The following DHRS12 variants were observed in gnomAD, a reference collection of about 807,000 sequenced individuals.
The protein encoded by DHRS12 is dehydrogenase/reductase SDR family member 12.
In DHRS12, 29 loss-of-function variants were observed where a neutral mutation model predicts 32.1. The ratio of observed to expected loss-of-function variants is 0.90; its 90% CI spans 0.67 to 1.23. The LOEUF (loss-of-function observed/expected upper bound fraction) is 1.23. DHRS12 is among the 50% of genes most tolerant of loss of function. The probability of loss-of-function intolerance (pLI) is 0.00; values close to 1 mark genes in which losing one functional copy is unlikely to be tolerated. For missense variants in DHRS12, 330 were observed against 337.2 expected (o/e 0.98, Z 0.17); for synonymous variants, 150 against 135.9 (o/e 1.10, Z -0.72).
intron 1 of DHRS12, among the ~76,000 whole-genome samples, chr13:51,801,514 T>C (rs1322464226): frequency 6.6e-6 from 1 of 152,202 alleles, no homozygotes; most frequent in East Asian, 1.9e-4. Context: ...CTATTAATAA[T>C]GACAGTACCG....
chr13:51,771,399 C>T, intron 7 of DHRS12: 1 of 1,613,714 alleles, frequency 6.2e-7, no homozygotes, highest in Non-Finnish European at 8.5e-7. Flanking sequence ...TTGTGGCTGG[C>T]ATTTACCTTC....
At chr13:51,764,927 T>G (rs890452813), downstream of DHRS12, 2 of 151,904 alleles carry the variant, frequency 1.3e-5, no homozygotes, top group African/African-American at 4.8e-5. Flanking sequence ...ATTGTTCTAG[T>G]CAAGTGTGGC....
chr13:51,771,492 C>A lies in DHRS12; in HGVS notation c.559+329G>T, dbSNP rs375721036. The A allele has an allele frequency of 3.7e-6, 6 of 1,613,992 alleles. No individual in the cohort carries two copies. Among genetic ancestry groups the A allele is most frequent in the Non-Finnish European group, 5.1e-6 (6 of 1,180,012 alleles). On this transcript the variant is annotated intron_variant, in intron 7 of 8. Transcript: ENST00000444610. ...TACCTTCCTCAGCTCCTGCTCATTC[C>A]TGTCTGACGTGGAAATGACAATGGT... is the stretch of plus-strand genomic sequence containing the variant.
At chr13:51,763,667 A>G (rs1416941931), downstream of DHRS12, 1 of 152,196 alleles carries the variant, frequency 6.6e-6, no homozygotes, top group Non-Finnish European at 1.5e-5. Context: ...GTGTGGTGGC[A>G]CACACCTGTA....
intron 4 of DHRS12, among the ~76,000 whole-genome samples, chr13:51,780,402 C>T (rs921021732): frequency 5.3e-5 from 8 of 152,076 alleles, no homozygotes; most frequent in East Asian, 1.9e-4. Flanking sequence ...CAGAATCCCA[C>T]GGGAGGGCAG....
the DHRS12 span, among the ~76,000 whole-genome samples, chr13:51,758,455 G>A: frequency 6.6e-6 from 1 of 151,818 alleles, no homozygotes; most frequent in East Asian, 1.9e-4. Flanking sequence ...GGAGATTTAG[G>A]AGGGAGGATT....
chr13:51,767,890 T>TC (rs1470318054), downstream of DHRS12: 3 of 757,620 alleles, frequency 4.0e-6, no homozygotes, highest in East Asian at 2.4e-4. Context: ...CACCCCTGCG[T>TC]CCCCTAAGAC....
At chr13:51,771,197 C>G in intron 7 of DHRS12, 11 of 1,549,820 alleles carry the variant, frequency 7.1e-6, no homozygotes, top group Non-Finnish European at 9.6e-6. Flanking sequence ...TTCTTGGCGC[C>G]GCGGGTGCAC....
the DHRS12 span, chr13:51,762,738 A>C: frequency 1.3e-5 from 2 of 152,162 alleles, no homozygotes; most frequent in African/African-American, 2.4e-5. Flanking sequence ...TGCACTTTAC[A>C]TATATTTTTG....
At chr13:51,778,294 G>A (rs1398209632) in intron 4 of DHRS12, among the ~76,000 whole-genome samples, 1 of 152,250 alleles carries the variant, frequency 6.6e-6, no homozygotes, top group Non-Finnish European at 1.5e-5. Context: ...TGGGCAGGCC[G>A]CCTTTGTCCT....
intron 4 of DHRS12, among the ~76,000 whole-genome samples, chr13:51,785,323 G>A (rs866244815): frequency 4.0e-5 from 6 of 151,540 alleles, no homozygotes; most frequent in Admixed American, 3.3e-4. Flanking sequence ...CAGGTGACCC[G>A]TTTTCAAAGA....
intron 1 of DHRS12, among the ~76,000 whole-genome samples, chr13:51,800,885 C>T (rs1955722957): frequency 6.6e-6 from 1 of 152,200 alleles, no homozygotes; most frequent in African/African-American, 2.4e-5. Context: ...AGAGAACACC[C>T]TACCCATTGC....
At chr13:51,799,342 T>G (rs1439739700) in intron 2 of DHRS12, among the ~76,000 whole-genome samples, 192 bp downstream of exon 2, 2 of 152,204 alleles carry the variant, frequency 1.3e-5, no homozygotes, top group Non-Finnish European at 2.9e-5. Context: ...TAATTAAGTG[T>G]TGAGGAAAGG....
At chr13:51,763,229 C>T (rs890857712), downstream of DHRS12, 1 of 152,162 alleles carries the variant, frequency 6.6e-6, no homozygotes, top group Non-Finnish European at 1.5e-5. Context: ...ACTTTCAGCA[C>T]CTTGAGACAG....
At chr13:51,756,252 T>C in the DHRS12 span, 5 of 1,537,188 alleles carry the variant, frequency 3.3e-6, no homozygotes, top group Non-Finnish European at 4.4e-6. Flanking sequence ...ATTACACCTC[T>C]CTGCCAGGAG....
intron 6 of DHRS12, among the ~76,000 whole-genome samples, chr13:51,773,698 G>A (rs990872100): frequency 2.6e-5 from 4 of 152,076 alleles, no homozygotes; most frequent in Admixed American, 6.5e-5. Flanking sequence ...GAGAAACACC[G>A]AGAGGAGACG....
chr13:51,758,862 A>G, the DHRS12 span, among the ~76,000 whole-genome samples: 1 of 152,158 alleles, frequency 6.6e-6, no homozygotes, highest in Middle Eastern at 3.2e-3. Flanking sequence ...AAGCTACCAG[A>G]TCTCCGTGAC....
At chr13:51,786,516 C>T (rs1391592380) in intron 4 of DHRS12, among the ~76,000 whole-genome samples, 1 of 152,200 alleles carries the variant, frequency 6.6e-6, no homozygotes, top group Non-Finnish European at 1.5e-5. Flanking sequence ...AATCTCTTCC[C>T]CTCCATGGCT....
In DHRS12 at chr13:51,771,886, C is replaced by G. The variant is rs148725690; in HGVS notation, c.494G>C (p.Arg165Pro). The change falls in exon 7 of 9, where the codon CGG (arginine) becomes CCG (proline). Residue 165 changes from arginine to proline, a missense_variant. By Grantham distance (103) the Arg-to-Pro change is moderately radical (BLOSUM62 -2). Coordinates refer to ENST00000444610, the MANE Select transcript of DHRS12 (RefSeq NM_001377533.1). ...NKRQQVVLTE[R>P]WAQGHPAIHF... is the part of the protein sequence containing the mutation. ...GATGGCCGGGTGCCCTTGGGCCCAC[C>G]GCTCCGTCAGAACCACTTGCTGCCT... 8.3e-4 allele frequency: 1,339 copies of G among 1,614,076 alleles called. 8 individuals carry two copies. The highest frequency in any genetic ancestry group is 2.1e-3 in the Middle Eastern group (13 of 6,058).
Sources: gnomAD v4.1 joint callset for allele counts (sites outside exome capture counted in the v4.1 genomes callset) on GRCh38, gnomAD v4.1.1 for gene constraint, MANE v1.5 for transcripts, NCBI Gene and HGNC (gene_info 2026-07-23, HGNC 2026-07-21) for gene names.